Variants in CDH13 observed in about 807,000 individuals in gnomAD.
The protein encoded by CDH13 is cadherin-13.
In CDH13, 24 loss-of-function variants were observed where a neutral mutation model predicts 63.8. The observed-to-expected ratio is 0.38, with a 90% confidence interval of 0.27 to 0.53. The LOEUF (loss-of-function observed/expected upper bound fraction) is 0.53. CDH13 is among the 20% of genes least tolerant of loss of function. CDH13 has a pLI of 0.85. For missense variants in CDH13, 1,049 were observed against 903.1 expected (o/e 1.16, Z -2.07); for synonymous variants, 503 against 355.3 (o/e 1.42, Z -4.67).
chr16:83,753,994 C>G (rs933547611), intron 11 of CDH13, among the ~76,000 whole-genome samples: 1 of 151,560 alleles, frequency 6.6e-6, no homozygotes, highest in East Asian at 1.9e-4. Context: ...AGGTGAGAGT[C>G]AGGCTTGGCC....
chr16:83,378,391 T>C (rs943382171), intron 6 of CDH13, among the ~76,000 whole-genome samples: 3 of 152,188 alleles, frequency 2.0e-5, no homozygotes, highest in Admixed American at 6.5e-5. Flanking sequence ...ACACATCCCT[T>C]GACCATGAGT....
At chr16:82,725,586 A>T (rs2033049667) in intron 1 of CDH13, among the ~76,000 whole-genome samples, 1 of 152,150 alleles carries the variant, frequency 6.6e-6, no homozygotes, top group Non-Finnish European at 1.5e-5. Context: ...GCACATGGTG[A>T]CCTCTTAATG....
At chr16:82,874,250 C>G (rs2151193378) in intron 2 of CDH13, among the ~76,000 whole-genome samples, 1 of 152,204 alleles carries the variant, frequency 6.6e-6, no homozygotes, top group African/African-American at 2.4e-5. Flanking sequence ...TATGCTGAGT[C>G]TCTTGGATTT....
chr16:83,362,855 G>C (rs2091188163), intron 6 of CDH13, among the ~76,000 whole-genome samples: 1 of 152,186 alleles, frequency 6.6e-6, no homozygotes. Flanking sequence ...AGGAAATGTT[G>C]ATTTTATTGC....
chr16:83,093,382 A>G (rs1597322420), intron 3 of CDH13, among the ~76,000 whole-genome samples: 1 of 126,608 alleles, frequency 7.9e-6, no homozygotes, highest in South Asian at 2.5e-4. Flanking sequence ...TGAGTGGCAC[A>G]GTCTAGGCTG....
At chr16:83,708,067 T>G (rs1907403559) in intron 10 of CDH13, among the ~76,000 whole-genome samples, 1 of 152,080 alleles carries the variant, frequency 6.6e-6, no homozygotes, top group African/African-American at 2.4e-5. Context: ...CAGCCAAGGC[T>G]CTTCCAGCCA....
intron 3 of CDH13, among the ~76,000 whole-genome samples, chr16:83,085,359 G>A (rs2033522450): frequency 6.6e-6 from 1 of 152,098 alleles, no homozygotes; most frequent in South Asian, 2.1e-4. Flanking sequence ...CAACACGTGG[G>A]AATTCTGGGA....
chr16:83,654,076 C>G lies in CDH13; in HGVS notation c.1102-16714C>G, dbSNP rs76595941. Reference sequence around the variant, plus strand: ...TCAGAGACTTAATACATAGTATAGACAGGGATGGGCATGTGGCTAGGGGAT... The same window carrying G: ...TCAGAGACTTAATACATAGTATAGAGAGGGATGGGCATGTGGCTAGGGGAT... On this transcript the variant is annotated intron_variant, in intron 8 of 13. Coordinates refer to ENST00000567109, the MANE Select transcript of CDH13 (RefSeq NM_001257.5). Among the ~76,000 whole-genome samples, 942 of 152,018 alleles carry G rather than the reference C, an allele frequency of 6.2e-3. 11 individuals are homozygous for G. Among genetic ancestry groups the G allele is most frequent in the African/African-American group, 0.022 (899 of 41,454 alleles).
At chr16:83,107,762 A>G (rs1230367882) in intron 3 of CDH13, among the ~76,000 whole-genome samples, 1 of 150,464 alleles carries the variant, frequency 6.6e-6, no homozygotes, top group Non-Finnish European at 1.5e-5. Context: ...CAATCACATA[A>G]TTCATTCCTC....
chr16:83,247,758 T>C (rs1311655821), intron 5 of CDH13, among the ~76,000 whole-genome samples: 1 of 152,138 alleles, frequency 6.6e-6, no homozygotes, highest in Non-Finnish European at 1.5e-5. Flanking sequence ...TTATAAATCC[T>C]TTCAGTGGAC....
At chr16:82,673,494 G>T (rs928682367) in intron 1 of CDH13, among the ~76,000 whole-genome samples, 2 of 152,092 alleles carry the variant, frequency 1.3e-5, no homozygotes, top group Non-Finnish European at 2.9e-5. Flanking sequence ...TTTTAGTGAT[G>T]AACAAGATGG....
intron 1 of CDH13, among the ~76,000 whole-genome samples, chr16:82,685,370 A>G (rs1183085451): frequency 1.3e-5 from 2 of 152,168 alleles, no homozygotes; most frequent in Non-Finnish European, 1.5e-5. Context: ...AGCCTCTTTT[A>G]TAAGGGTACT....
Position 83,043,490 on chromosome 16 carries a change from A to AGTGT in CDH13, c.366+11307_366+11310dup, listed in dbSNP as rs67312035. 9.9e-3 allele frequency among the ~76,000 whole-genome samples: 1,314 copies of AGTGT among 132,208 alleles called. 4 individuals carry two copies. The highest frequency in any genetic ancestry group is 0.013 in the African/African-American group (488 of 38,976). The allele number at this position is 132,208 out of a possible 152,430, so 86.7% of individuals were successfully genotyped here. On this transcript the variant is annotated intron_variant, in intron 3 of 13. Coordinates refer to ENST00000567109, the MANE Select transcript of CDH13 (RefSeq NM_001257.5). ...AATTTATATAATAACTGTATATATG[A>AGTGT]GTGTGTGTGTGTGTGTGTGTGTGTG...
At chr16:83,078,419 G>A (rs576503912) in intron 3 of CDH13, among the ~76,000 whole-genome samples, 9 of 152,160 alleles carry the variant, frequency 5.9e-5, no homozygotes, top group Admixed American at 2.6e-4. Context: ...AGGAACGTGC[G>A]ACCTAGATCC....
chr16:83,451,135 T>G (rs2072876017), intron 6 of CDH13, among the ~76,000 whole-genome samples: 1 of 152,164 alleles, frequency 6.6e-6, no homozygotes, highest in African/African-American at 2.4e-5. Flanking sequence ...AGGAGAATCA[T>G]TTGTCTTTGT....
intron 8 of CDH13, among the ~76,000 whole-genome samples, chr16:83,651,795 C>A (rs185926191): frequency 8.4e-4 from 128 of 152,016 alleles, no homozygotes; most frequent in African/African-American, 2.9e-3. Flanking sequence ...AGGGTTTCAC[C>A]ATGCTGGCCA....
At chr16:83,419,949 G>A (rs1439597132) in intron 6 of CDH13, among the ~76,000 whole-genome samples, 1 of 149,584 alleles carries the variant, frequency 6.7e-6, no homozygotes, top group Admixed American at 6.7e-5. Flanking sequence ...TTGTATGTAT[G>A]TGTGTTCTGA....
chr16:83,794,849 C>G (rs960741566), intron 13 of CDH13, among the ~76,000 whole-genome samples, 174 bp from the exon 14 acceptor site: 1 of 151,948 alleles, frequency 6.6e-6, no homozygotes, highest in Non-Finnish European at 1.5e-5. Context: ...TACCATATAA[C>G]CATTCATTCT....
At chr16:83,064,419 T>G (rs1215970776) in intron 3 of CDH13, among the ~76,000 whole-genome samples, 1 of 152,160 alleles carries the variant, frequency 6.6e-6, no homozygotes, top group Non-Finnish European at 1.5e-5. Context: ...AACAGATTTT[T>G]TAGCAACATC....
Sources: allele counts gnomAD v4.1 joint callset (sites outside exome capture counted in the v4.1 genomes callset), GRCh38; gene constraint gnomAD v4.1.1; transcripts MANE v1.5; gene names NCBI Gene and HGNC (gene_info 2026-07-23, HGNC 2026-07-21).